The following CLDN10 variants were observed in gnomAD, a reference collection of about 807,000 sequenced individuals.
CLDN10 encodes the protein claudin-10.
A neutral mutation model predicts 22.9 loss-of-function variants in CLDN10; 15 were observed. The observed-to-expected ratio is 0.65, with a 90% CI of 0.44 to 1.01. The LOEUF (loss-of-function observed/expected upper bound fraction) is 1.01, where lower values mean the gene tolerates loss of function less well. CLDN10 is among the 50% of genes least tolerant of loss of function. The pLI is 0.00. For missense variants in CLDN10, 247 were observed against 287.8 expected, an observed-to-expected ratio of 0.86 and a Z score of 1.03; for synonymous variants, 114 against 111.4, an observed-to-expected ratio of 1.02 and a Z score of -0.15.
intron 1 of CLDN10, among the ~76,000 whole-genome samples, chr13:95,537,322 A>C (rs2043410984): frequency 6.6e-6 from 1 of 152,164 alleles, no homozygotes; most frequent in Admixed American, 6.5e-5. Context: ...CAGAGCTGGA[A>C]ACATTCATAA....
At chr13:95,499,088 G>A (rs747093945) in intron 1 of CLDN10, among the ~76,000 whole-genome samples, 5 of 152,196 alleles carry the variant, frequency 3.3e-5, no homozygotes, top group Non-Finnish European at 5.9e-5. Context: ...ACATTCCATC[G>A]TATGGATAGG....
chr13:95,480,910 G>A (rs34819758), intron 1 of CLDN10, among the ~76,000 whole-genome samples: 11,585 of 152,210 alleles, frequency 0.076, 660 homozygotes, highest in East Asian at 0.27. Flanking sequence ...TAGAATTCCT[G>A]GGCTCTATAG....
At chr13:95,535,653 T>G (rs768999543) in intron 1 of CLDN10, among the ~76,000 whole-genome samples, 9 of 151,432 alleles carry the variant, frequency 5.9e-5, no homozygotes, top group Non-Finnish European at 1.0e-4. Context: ...GGAGAAGATG[T>G]CCCATAGGCA....
intron 1 of CLDN10, among the ~76,000 whole-genome samples, chr13:95,521,594 T>C (rs559790014): frequency 6.6e-6 from 1 of 152,304 alleles, no homozygotes; most frequent in South Asian, 2.1e-4. Flanking sequence ...ACACTTCATT[T>C]ATAATTTTGC....
intron 3 of CLDN10, among the ~76,000 whole-genome samples, chr13:95,573,386 A>G (rs1187560290): frequency 6.6e-6 from 1 of 152,248 alleles, no homozygotes; most frequent in Non-Finnish European, 1.5e-5. Context: ...TTTCAGAATA[A>G]TGAAGAAACT....
rs1045802627 is a variant in CLDN10 at position 95,578,907 on chromosome 13, C to T, written c.*893C>T. On this transcript the variant is annotated 3_prime_UTR_variant, in exon 5 of 5. Transcript: ENST00000299339. ...TATTATTGCCTGTCATGTGGCACATCCATGTTAAGGGGCTGAGGCGTCCCT... is the reference window on the plus strand; with the variant it reads ...TATTATTGCCTGTCATGTGGCACATTCATGTTAAGGGGCTGAGGCGTCCCT... 4 of 152,306 alleles carry T rather than the reference C, an allele frequency of 2.6e-5. No individual in the cohort carries two copies. The East Asian group carries it at 7.7e-4, about 29-fold the overall frequency. 9.4% of individuals were successfully genotyped at this position (152,306 alleles called of 1,614,324 possible).
chr13:95,537,288 G>T (rs891062552), intron 1 of CLDN10, among the ~76,000 whole-genome samples: 1 of 152,062 alleles, frequency 6.6e-6, no homozygotes, highest in East Asian at 1.9e-4. Context: ...TTTTGGGGGG[G>T]TTGTTGGTTA....
intron 3 of CLDN10, among the ~76,000 whole-genome samples, chr13:95,569,913 C>T (rs752115007): frequency 4.6e-5 from 7 of 152,050 alleles, no homozygotes; most frequent in South Asian, 2.1e-4. Context: ...GGACTACAGG[C>T]GCCCGCCACC....
At chr13:95,435,952 G>A (rs543135026) in intron 1 of CLDN10, among the ~76,000 whole-genome samples, 7 of 149,386 alleles carry the variant, frequency 4.7e-5, no homozygotes, top group South Asian at 4.3e-4. Flanking sequence ...CACCTTGCCC[G>A]GCCTCATCTT....
At chr13:95,492,693 C>A (rs1377537238) in intron 1 of CLDN10, among the ~76,000 whole-genome samples, 1 of 152,122 alleles carries the variant, frequency 6.6e-6, no homozygotes, top group African/African-American at 2.4e-5. Flanking sequence ...AGGCTTCTTG[C>A]CCCTTTCAAA....
At chr13:95,455,134 A>C (rs1429939182) in intron 1 of CLDN10, among the ~76,000 whole-genome samples, 1 of 151,550 alleles carries the variant, frequency 6.6e-6, no homozygotes. Flanking sequence ...CCATGATCGC[A>C]CCACTGGGAT....
At chr13:95,439,259 G>T (rs1489990498) in intron 1 of CLDN10, among the ~76,000 whole-genome samples, 2 of 152,102 alleles carry the variant, frequency 1.3e-5, no homozygotes, top group Admixed American at 6.6e-5. Flanking sequence ...TCAGTGCGTG[G>T]TGAGGGCCCA....
At chr13:95,524,225 AT>A (rs1342518467) in intron 1 of CLDN10, among the ~76,000 whole-genome samples, 22 of 151,950 alleles carry the variant, frequency 1.4e-4, no homozygotes, top group Non-Finnish European at 8.8e-5. Flanking sequence ...TTAGTTTGGA[AT>A]TTGTTGGGCT....
chr13:95,540,655 G>A (rs571178012), intron 1 of CLDN10, among the ~76,000 whole-genome samples: 105 of 152,252 alleles, frequency 6.9e-4, no homozygotes, highest in African/African-American at 2.3e-3. Flanking sequence ...TTAGTGGCTC[G>A]GACTGGGAAA....
intron 1 of CLDN10, among the ~76,000 whole-genome samples, chr13:95,434,482 C>CAG (rs1252671112): frequency 6.8e-6 from 1 of 146,134 alleles, no homozygotes; most frequent in Non-Finnish European, 1.5e-5. Flanking sequence ...CCCACAAACA[C>CAG]ACACACACAC....
intron 1 of CLDN10, among the ~76,000 whole-genome samples, chr13:95,502,458 G>C (rs2042995731): frequency 6.6e-6 from 1 of 152,140 alleles, no homozygotes; most frequent in Non-Finnish European, 1.5e-5. Context: ...CTGTTGCCAG[G>C]ACGTTTATGG....
At chr13:95,510,730 G>A (rs1304965936) in intron 1 of CLDN10, among the ~76,000 whole-genome samples, 2 of 151,846 alleles carry the variant, frequency 1.3e-5, no homozygotes, top group African/African-American at 4.8e-5. Flanking sequence ...ATTCTTGGAA[G>A]CACATAAAAT....
chr13:95,528,794 C>A (rs1408428229), intron 1 of CLDN10, among the ~76,000 whole-genome samples: 1 of 152,082 alleles, frequency 6.6e-6, no homozygotes, highest in Non-Finnish European at 1.5e-5. Context: ...CATTAATGAG[C>A]CATTTTATTA....
At chr13:95,551,275 A>G (rs1260736054), upstream of CLDN10, among the ~76,000 whole-genome samples, 1 of 152,198 alleles carries the variant, frequency 6.6e-6, no homozygotes, top group Non-Finnish European at 1.5e-5. Context: ...AGCTTTTTTA[A>G]AGGGCTGTCA....
Sources: gnomAD v4.1 joint callset for allele counts (sites outside exome capture counted in the v4.1 genomes callset) on GRCh38, gnomAD v4.1.1 for gene constraint, MANE v1.5 for transcripts, NCBI Gene and HGNC (gene_info 2026-07-23, HGNC 2026-07-21) for gene names.